Variants in PEX5L observed in about 807,000 individuals in gnomAD.
PEX5L encodes PEX5-related protein.
A neutral mutation model predicts 84.0 loss-of-function variants in PEX5L; 30 were observed. The observed-to-expected ratio is 0.36, with a 90% CI of 0.27 to 0.48. The LOEUF is 0.48. Ranked by LOEUF, PEX5L falls within the 20% of genes least tolerant of loss-of-function variation. The probability of loss-of-function intolerance (pLI) is 0.99; values close to 1 mark genes in which losing one functional copy is unlikely to be tolerated. For missense variants in PEX5L, 533 were observed against 754.6 expected, an observed-to-expected ratio of 0.71 and a Z score of 3.44; for synonymous variants, 270 against 283.1, an observed-to-expected ratio of 0.95 and a Z score of 0.46.
chr3:179,887,313 A>G (rs953773544), intron 4 of PEX5L, among the ~76,000 whole-genome samples: 2 of 152,036 alleles, frequency 1.3e-5, no homozygotes, highest in Admixed American at 1.3e-4. Flanking sequence ...TATACAAAAT[A>G]TTTCCAGAAA....
chr3:180,034,599 C>G (rs1791735195), intron 1 of PEX5L, among the ~76,000 whole-genome samples: 1 of 152,096 alleles, frequency 6.6e-6, no homozygotes, highest in Non-Finnish European at 1.5e-5. Context: ...TTCAGATCAT[C>G]ATACTATTGA....
chr3:179,821,889 T>A (rs945850188), intron 8 of PEX5L, among the ~76,000 whole-genome samples: 2 of 152,200 alleles, frequency 1.3e-5, no homozygotes, highest in African/African-American at 2.4e-5. Flanking sequence ...ATGAGGGATG[T>A]TTTTCCTGCC....
intron 2 of PEX5L, among the ~76,000 whole-genome samples, chr3:179,901,539 A>G (rs902088285): frequency 6.6e-6 from 1 of 152,230 alleles, no homozygotes; most frequent in Non-Finnish European, 1.5e-5. Flanking sequence ...GTTGATTATC[A>G]TATTGTGGTA....
chr3:179,899,077 A>G (rs1384401712), intron 2 of PEX5L, among the ~76,000 whole-genome samples: 2 of 151,992 alleles, frequency 1.3e-5, no homozygotes, highest in East Asian at 1.9e-4. Context: ...ACATATCCCT[A>G]TGTTATTTGT....
At chr3:179,867,358 G>A (rs1055823017) in intron 7 of PEX5L, among the ~76,000 whole-genome samples, 1 of 151,446 alleles carries the variant, frequency 6.6e-6, no homozygotes, top group East Asian at 1.9e-4. Context: ...TTCCTTTTTT[G>A]TTAGGATCCC....
chr3:179,905,645 T>C (rs181458118), intron 2 of PEX5L, among the ~76,000 whole-genome samples: 1 of 148,840 alleles, frequency 6.7e-6, no homozygotes. Context: ...TCCAAAGAAG[T>C]TCTTGCCATT....
chr3:180,011,672 T>C (rs997474947), intron 1 of PEX5L, among the ~76,000 whole-genome samples: 33 of 152,302 alleles, frequency 2.2e-4, no homozygotes, highest in African/African-American at 7.9e-4. Context: ...AAAAATGAGA[T>C]ATAGTTTGCT....
intron 2 of PEX5L, among the ~76,000 whole-genome samples, chr3:179,945,891 T>C (rs1029440428): frequency 6.6e-6 from 1 of 152,162 alleles, no homozygotes; most frequent in Non-Finnish European, 1.5e-5. Context: ...ATGCCTCTTG[T>C]GTGTGGTTGC....
At chr3:179,932,971 C>G (rs1334423972) in intron 2 of PEX5L, among the ~76,000 whole-genome samples, 1 of 152,088 alleles carries the variant, frequency 6.6e-6, no homozygotes, top group Non-Finnish European at 1.5e-5. Context: ...TCCTAAATAA[C>G]TGAAATTTTG....
Position 179,807,802 on chromosome 3 carries a change from C to T in PEX5L, c.1548G>A (p.Ala516=), listed in dbSNP as rs763734957. ...EDYSLWNRLG[A]TLANGDRSEE... is the part of the protein sequence containing the mutation. ...CGCTGCGGTCTCCGTTCGCCAAGGT[C>T]GCCCCGAGGCGGTTCCATAGTGAAT... Residue 516 remains alanine, a synonymous_variant, in exon 14 of 15, where the codon GCG becomes GCA. Coordinates refer to ENST00000467460, the MANE Select transcript of PEX5L (RefSeq NM_016559.3). The T allele has an allele frequency of 6.2e-7, 1 of 1,613,884 alleles. No individual in the cohort carries two copies. The highest frequency in any genetic ancestry group is 1.1e-5 in the South Asian group (1 of 91,076).
intron 2 of PEX5L, among the ~76,000 whole-genome samples, chr3:179,916,831 G>A (rs1381638284): frequency 2.0e-5 from 3 of 151,712 alleles, no homozygotes; most frequent in East Asian, 1.9e-4. Flanking sequence ...CACCACTCCC[G>A]GTGAATTTTT....
At position 179,845,644 on chromosome 3, in the gene PEX5L, T is replaced by C. The variant is rs544211513; in HGVS notation, c.822+13418A>G. Among the ~76,000 whole-genome samples, 28 of 152,366 alleles carry C rather than the reference T, an allele frequency of 1.8e-4. No individual in the cohort carries two copies. The East Asian group carries it at 5.4e-3, about 29-fold the overall frequency. On this transcript the variant is annotated intron_variant, in intron 8 of 14. Transcript: ENST00000467460. ...ATCTGAATTCAGAGTTTCCTTCTTCTATCAACAGCTCCAAGGAAAAGTGCA... is the reference window on the plus strand; with the variant it reads ...ATCTGAATTCAGAGTTTCCTTCTTCCATCAACAGCTCCAAGGAAAAGTGCA...
intron 2 of PEX5L, among the ~76,000 whole-genome samples, chr3:179,921,317 C>T (rs781531751): frequency 7.9e-5 from 12 of 152,146 alleles, no homozygotes; most frequent in Non-Finnish European, 1.6e-4. Context: ...TAGCATGTCA[C>T]ACTAGAGCAC....
chr3:179,930,985 C>T (rs553608197), intron 2 of PEX5L, among the ~76,000 whole-genome samples: 86 of 152,174 alleles, frequency 5.7e-4, no homozygotes, highest in South Asian at 4.6e-3. Flanking sequence ...CCTTGTATTT[C>T]CAGCAGTAGC....
At chr3:179,910,825 T>C (rs1764914272) in intron 2 of PEX5L, among the ~76,000 whole-genome samples, 1 of 152,360 alleles carries the variant, frequency 6.6e-6, no homozygotes, top group Non-Finnish European at 1.5e-5. Context: ...GGTATGCAGA[T>C]GATGTACAAG....
chr3:180,025,051 A>C (rs528462469), intron 1 of PEX5L, among the ~76,000 whole-genome samples: 8 of 152,200 alleles, frequency 5.3e-5, no homozygotes, highest in African/African-American at 1.9e-4. Context: ...GGTTGAACCC[A>C]TTAAACTGCG....
At chr3:179,971,784 C>T in intron 1 of PEX5L, 119 bp from the exon 2 acceptor site, 1 of 987,724 alleles carries the variant, frequency 1.0e-6, no homozygotes, top group Non-Finnish European at 1.4e-6. Flanking sequence ...ATGCATCATT[C>T]TTTATATAAA....
chr3:180,014,346 C>A (rs1789747245), intron 1 of PEX5L, among the ~76,000 whole-genome samples: 1 of 152,082 alleles, frequency 6.6e-6, no homozygotes. Context: ...GTGGCGGGCG[C>A]CTGGAGTCCC....
At chr3:179,895,842 A>C (rs1410936127) in intron 3 of PEX5L, among the ~76,000 whole-genome samples, 2 of 152,130 alleles carry the variant, frequency 1.3e-5, no homozygotes, top group Admixed American at 1.3e-4. Context: ...AATTATCCCA[A>C]TGACATTATT....
Sources: allele counts gnomAD v4.1 joint callset (sites outside exome capture counted in the v4.1 genomes callset), GRCh38; gene constraint gnomAD v4.1.1; transcripts MANE v1.5; gene names NCBI Gene and HGNC (gene_info 2026-07-23, HGNC 2026-07-21).